RBL2: variants seen among roughly 807,000 people sequenced by gnomAD.
The protein encoded by RBL2 is RB transcriptional corepressor like 2, also known as retinoblastoma-like protein 2.
Under a neutral mutation model 126.0 loss-of-function variants are expected in RBL2, and 56 were observed. That is an observed-to-expected ratio of 0.44 (90% CI 0.36 to 0.56). The LOEUF (loss-of-function observed/expected upper bound fraction) is 0.56, where lower values mean the gene tolerates loss of function less well. Ranked by LOEUF, RBL2 falls within the 20% of genes least tolerant of loss-of-function variation. The probability of loss-of-function intolerance (pLI) is 0.00; values close to 1 mark genes in which losing one functional copy is unlikely to be tolerated. For synonymous variants in RBL2, 454 were observed against 478.5 expected (o/e 0.95, Z 0.67); for missense variants, 1,229 against 1,398.2 (o/e 0.88, Z 1.93).
intron 21 of RBL2, among the ~76,000 whole-genome samples, chr16:53,486,804 G>T (rs1427390759): frequency 6.6e-6 from 1 of 152,108 alleles, no homozygotes; most frequent in Non-Finnish European, 1.5e-5. Flanking sequence ...CATACAGCCT[G>T]GATTGTCTAC....
intron 18 of RBL2, 113 bp downstream of exon 18, chr16:53,479,338 T>G: frequency 1.2e-6 from 1 of 856,882 alleles, no homozygotes; most frequent in East Asian, 2.6e-5. Context: ...CACCTGGGAC[T>G]CTACTTAAGG....
intron 8 of RBL2, among the ~76,000 whole-genome samples, chr16:53,455,540 A>AAGT (rs1357886337): frequency 6.6e-6 from 1 of 152,240 alleles, no homozygotes; most frequent in East Asian, 1.9e-4. Context: ...CCCTGTTCTA[A>AAGT]AGAAGCTTAT....
intron 12 of RBL2, chr16:53,465,025 C>T (rs2058259769): frequency 6.5e-6 from 1 of 153,378 alleles, no homozygotes; most frequent in Admixed American, 6.5e-5. Flanking sequence ...GATCTCCTGA[C>T]CTCGTGATCT....
chr16:53,464,104 A>T (rs1172797323), intron 11 of RBL2, 122 bp from the exon 12 acceptor site: 9 of 690,860 alleles, frequency 1.3e-5, no homozygotes, highest in Non-Finnish European at 1.9e-5. Context: ...GAAAATAAGG[A>T]CACACTTTGC....
At chr16:53,449,585 C>T (rs936301541) in intron 4 of RBL2, 3 of 104,210 alleles carry the variant, frequency 2.9e-5, no homozygotes, top group African/African-American at 1.4e-4. Flanking sequence ...GACCGTGTCT[C>T]GAAAAAAAAA....
chr16:53,463,645 T>C (rs2150806950), intron 11 of RBL2, among the ~76,000 whole-genome samples: 1 of 147,374 alleles, frequency 6.8e-6, no homozygotes, highest in South Asian at 2.3e-4. Context: ...GTCGGCTTAC[T>C]GCAACCTCTA....
intron 21 of RBL2, among the ~76,000 whole-genome samples, chr16:53,485,481 C>T (rs979061289): frequency 2.6e-5 from 4 of 152,064 alleles, no homozygotes; most frequent in Non-Finnish European, 1.5e-5. Context: ...AAGATTTCAG[C>T]TTAAGAAAGT....
chr16:53,434,843 C>A, intron 1 of RBL2, 47 bp downstream of exon 1: 1 of 1,437,646 alleles, frequency 7.0e-7, no homozygotes, highest in South Asian at 1.4e-5. Context: ...TGGCGTGAAC[C>A]GGTGCCTTCC....
At chr16:53,485,515 A>G (rs1243888483) in intron 21 of RBL2, among the ~76,000 whole-genome samples, 1 of 152,122 alleles carries the variant, frequency 6.6e-6, no homozygotes, top group Non-Finnish European at 1.5e-5. Flanking sequence ...GACTCACTGA[A>G]ATGGAAAACT....
At chr16:53,462,505 CT>C in intron 10 of RBL2, 46 bp from the exon 11 acceptor site, 1 of 1,222,278 alleles carries the variant, frequency 8.2e-7, no homozygotes, top group South Asian at 1.4e-5. Context: ...CCTTTATTTT[CT>C]TTGTGTGCCA....
At chr16:53,477,672 T>C (rs2150821948) in intron 17 of RBL2, among the ~76,000 whole-genome samples, 1 of 152,286 alleles carries the variant, frequency 6.6e-6, no homozygotes, top group African/African-American at 2.4e-5. Flanking sequence ...TTCATTCCTG[T>C]GTATGTGAGT....
Position 53,481,817 on chromosome 16 carries a change from C to A in RBL2, c.3231C>A (p.Phe1077Leu). The A allele has an allele frequency of 6.3e-7, 1 of 1,584,590 alleles. No individual in the cohort carries two copies. The highest frequency in any genetic ancestry group is 8.7e-7 in the Non-Finnish European group (1 of 1,153,290). ...CTCGAGAAAAGATTTTCTATTACTTCAGCAACAGTCCTTCAAAGGTGAGCC... is the reference window on the plus strand; with the variant it reads ...CTCGAGAAAAGATTTTCTATTACTTAAGCAACAGTCCTTCAAAGGTGAGCC... ...LSPREKIFYYFSNSPSKRLRE... is the reference protein window; with the variant it reads ...LSPREKIFYYLSNSPSKRLRE... Residue 1077 changes from phenylalanine to leucine, a missense_variant, in exon 21 of 22, where the codon TTC becomes TTA. Around this residue, in one of 2 missense-constraint regions of RBL2, gnomAD observed 1,070 missense variants for 1,274.3 expected, o/e 0.84. Coordinates refer to ENST00000262133, the MANE Select transcript of RBL2 (RefSeq NM_005611.4).
chr16:53,474,681 T>TA (rs1212181801), intron 17 of RBL2, among the ~76,000 whole-genome samples: 1 of 152,120 alleles, frequency 6.6e-6, no homozygotes, highest in African/African-American at 2.4e-5. Context: ...TTGTTTTCAG[T>TA]TAAAAAAAAT....
rs528948986 is a variant in RBL2 at position 53,454,897 on chromosome 16, T to C, written c.1179+55T>C. The C allele has an allele frequency of 3.6e-5, 51 of 1,412,502 alleles. 1 individual carries two copies. In the Admixed American group the frequency reaches 1.1e-3, roughly 31 times the overall value. The allele number at this position is 1,412,502 out of a possible 1,614,324, so 87.5% of individuals were successfully genotyped here. A position where few individuals can be genotyped will look rare whatever the true frequency, so the allele number is the denominator to read the frequency against. ...ATACAGGAGCAGGTAAGCCAGGGGT[T>C]CTTTTTTATTTTGGTAATTTCATGT... is the stretch of plus-strand genomic sequence containing the variant. On this transcript the variant is annotated intron_variant, in intron 8 of 21. Coordinates refer to ENST00000262133, the MANE Select transcript of RBL2 (RefSeq NM_005611.4).
intron 17 of RBL2, among the ~76,000 whole-genome samples, chr16:53,477,202 AAT>A (rs1960757771): frequency 1.3e-5 from 2 of 152,336 alleles, no homozygotes; most frequent in African/African-American, 4.8e-5. Flanking sequence ...TACATCCATA[AAT>A]GTACAACTCC....
chr16:53,462,525 G>T (rs771732055), intron 10 of RBL2, 27 bp from the exon 11 acceptor site: 29 of 1,335,288 alleles, frequency 2.2e-5, no homozygotes, highest in Admixed American at 2.6e-5. Flanking sequence ...CATTTTTGTG[G>T]GGTTTTTTTT....
chr16:53,437,744 T>G (rs2057972582), intron 1 of RBL2, among the ~76,000 whole-genome samples: 1 of 151,922 alleles, frequency 6.6e-6, no homozygotes, highest in Non-Finnish European at 1.5e-5. Context: ...ATATAAACAA[T>G]AGGCCAGGCG....
chr16:53,447,041 G>A lies in RBL2; in HGVS notation c.573-1G>A. On this transcript the variant is annotated splice_acceptor_variant, in intron 3 of 21. Coordinates refer to ENST00000262133, the MANE Select transcript of RBL2 (RefSeq NM_005611.4). LOFTEE classifies it high-confidence loss of function. ...TGACTTTTTTTTTTCTTCCCCCAAA[G>A]GCGACAGCCCTGTACTGTGTCTGAA... is the stretch of plus-strand genomic sequence containing the variant. 6.6e-7 allele frequency: 1 copy of A among 1,506,924 alleles called. No homozygotes were observed. The highest frequency in any genetic ancestry group is 8.8e-7 in the Non-Finnish European group (1 of 1,132,178). The allele number at this position is 1,506,924 out of a possible 1,614,324, so 93.3% of individuals were successfully genotyped here. A position where few individuals can be genotyped will look rare whatever the true frequency, so the allele number is the denominator to read the frequency against.
intron 1 of RBL2, among the ~76,000 whole-genome samples, chr16:53,436,793 C>T (rs552973796): frequency 7.9e-5 from 12 of 152,188 alleles, no homozygotes; most frequent in Non-Finnish European, 1.6e-4. Flanking sequence ...ATGGCAGAGC[C>T]GGAATTTGAA....
Sources: allele counts gnomAD v4.1 joint callset (sites outside exome capture counted in the v4.1 genomes callset), GRCh38; gene constraint gnomAD v4.1.1; regional missense constraint gnomAD v4.1.1; transcripts MANE v1.5; gene names NCBI Gene and HGNC (gene_info 2026-07-23, HGNC 2026-07-21).